Variants in MIPEP observed in about 807,000 individuals in gnomAD.
MIPEP encodes mitochondrial intermediate peptidase.
In MIPEP, 79 loss-of-function variants were observed where a neutral mutation model predicts 90.3. That is an observed-to-expected ratio of 0.87 (90% CI 0.73 to 1.05). The LOEUF is 1.05. MIPEP is among the 50% of genes least tolerant of loss of function. The pLI is 0.00. For missense variants in MIPEP, 940 were observed against 905.6 expected, an observed-to-expected ratio of 1.04 and a Z score of -0.49; for synonymous variants, 334 against 315.8, an observed-to-expected ratio of 1.06 and a Z score of -0.61.
At chr13:23,876,105 A>T (rs35684922) in intron 4 of MIPEP, among the ~76,000 whole-genome samples, 27,415 of 152,170 alleles carry the variant, frequency 0.18, 3,029 homozygotes, top group Non-Finnish European at 0.24. Context: ...GAAATTAATC[A>T]CAAAGTATGC....
intron 16 of MIPEP, among the ~76,000 whole-genome samples, chr13:23,764,671 C>G (rs534878541): frequency 6.6e-6 from 1 of 151,730 alleles, no homozygotes; most frequent in Admixed American, 6.5e-5. Flanking sequence ...TAGCCTCAGA[C>G]CTCAGCCTCC....
At chr13:23,792,190 T>C (rs1952903904) in intron 16 of MIPEP, among the ~76,000 whole-genome samples, 1 of 152,222 alleles carries the variant, frequency 6.6e-6, no homozygotes, top group Admixed American at 6.5e-5. Context: ...GGGGTTGATC[T>C]CACCCAGTTC....
rs535287069 is a variant in MIPEP, at chr13:23,801,027, T to C, written c.1848+4923A>G. 2.0e-5 allele frequency among the ~76,000 whole-genome samples: 3 copies of C among 152,356 alleles called. No individual in the cohort carries two copies. In the South Asian group the frequency reaches 6.2e-4, roughly 32 times the overall value. On this transcript the variant is annotated intron_variant, in intron 16 of 18. Coordinates refer to ENST00000382172, the MANE Select transcript of MIPEP (RefSeq NM_005932.4). ...GTCTAAAAGTTTGTACCAGATTATG[T>C]ACCTAAATTTGTATCAACTCCATAA...
intron 11 of MIPEP, 141 bp from the exon 12 acceptor site, chr13:23,839,867 G>A (rs919293161): frequency 5.4e-6 from 3 of 560,258 alleles, no homozygotes; most frequent in African/African-American, 3.8e-5. Flanking sequence ...ATTATCTCGA[G>A]ATAGATTCTC....
chr13:23,768,874 A>G (rs1201900924), intron 16 of MIPEP, among the ~76,000 whole-genome samples: 1 of 152,098 alleles, frequency 6.6e-6, no homozygotes, highest in Non-Finnish European at 1.5e-5. Context: ...ATATTAAAAA[A>G]CCCCTGGAAA....
chr13:23,878,429 T>A (rs8000572), intron 4 of MIPEP, among the ~76,000 whole-genome samples: 31,252 of 152,036 alleles, frequency 0.21, 4,013 homozygotes, highest in East Asian at 0.45. Flanking sequence ...TTGGTCCCTA[T>A]AGAAAATGGC....
At chr13:23,787,368 T>TG (rs1288646850) in intron 16 of MIPEP, among the ~76,000 whole-genome samples, 23 of 141,732 alleles carry the variant, frequency 1.6e-4, no homozygotes, top group East Asian at 4.1e-4. Flanking sequence ...CATGGTAGGG[T>TG]GGGGGGAGAG....
chr13:23,801,534 A>T (rs1953041236), intron 16 of MIPEP, among the ~76,000 whole-genome samples: 1 of 152,178 alleles, frequency 6.6e-6, no homozygotes, highest in African/African-American at 2.4e-5. Flanking sequence ...GTACCCACCA[A>T]TCAGTTTAAG....
At chr13:23,859,986 T>C (rs1031022888) in intron 9 of MIPEP, among the ~76,000 whole-genome samples, 2 of 152,270 alleles carry the variant, frequency 1.3e-5, no homozygotes, top group South Asian at 2.1e-4. Flanking sequence ...CATGGAACCC[T>C]AGCCCCACAG....
At chr13:23,841,584 G>A in intron 10 of MIPEP, 96 bp from the exon 11 acceptor site, 2 of 1,307,236 alleles carry the variant, frequency 1.5e-6, no homozygotes, top group Non-Finnish European at 2.1e-6. Flanking sequence ...AAGATCACTG[G>A]AGCTAAAGAA....
intron 18 of MIPEP, among the ~76,000 whole-genome samples, chr13:23,739,372 C>T (rs1467846337): frequency 6.6e-6 from 1 of 152,206 alleles, no homozygotes; most frequent in Non-Finnish European, 1.5e-5. Context: ...AGTTAAAAAG[C>T]AGGGTATGTT....
chr13:23,881,297 CCAACTTGCCACTAGGA>C (rs1210893408), intron 3 of MIPEP, among the ~76,000 whole-genome samples: 3 of 152,190 alleles, frequency 2.0e-5, no homozygotes, highest in Non-Finnish European at 4.4e-5. Flanking sequence ...TCTAGTAAGT[CCAACTTGCCACTAGGA>C]CACTAAAAAG....
intron 16 of MIPEP, 143 bp from the exon 17 acceptor site, chr13:23,760,360 A>G: frequency 9.4e-7 from 1 of 1,064,558 alleles, no homozygotes; most frequent in Non-Finnish European, 1.4e-6. Context: ...GTCACCTATG[A>G]TATCAATATT....
chr13:23,787,097 G>A (rs1952850963), intron 16 of MIPEP, among the ~76,000 whole-genome samples: 1 of 152,326 alleles, frequency 6.6e-6, no homozygotes, highest in East Asian at 1.9e-4. Context: ...TCAGTGCAAA[G>A]TATCCACATG....
At chr13:23,734,089 A>G (rs963891305) in intron 18 of MIPEP, among the ~76,000 whole-genome samples, 16 of 152,256 alleles carry the variant, frequency 1.1e-4, no homozygotes, top group African/African-American at 3.9e-4. Flanking sequence ...GGTTTCATGC[A>G]TTCCCTATGT....
At chr13:23,815,158 CTTTA>C (rs1953218587) in intron 14 of MIPEP, among the ~76,000 whole-genome samples, 1 of 152,178 alleles carries the variant, frequency 6.6e-6, no homozygotes, top group Non-Finnish European at 1.5e-5. Context: ...CTTTGACGAA[CTTTA>C]TTTACATTTT....
chr13:23,754,401 A>G (rs1316349206), intron 18 of MIPEP, among the ~76,000 whole-genome samples: 2 of 152,256 alleles, frequency 1.3e-5, no homozygotes, highest in Non-Finnish European at 1.5e-5. Flanking sequence ...ATTAAGAAAA[A>G]TATTAAAATG....
intron 16 of MIPEP, 57 bp downstream of exon 16, chr13:23,805,893 C>A: frequency 6.3e-7 from 1 of 1,576,592 alleles, no homozygotes. Flanking sequence ...TCACAAGCTA[C>A]AGAAGTAATA....
At chr13:23,814,407 G>A (rs1003090749) in intron 14 of MIPEP, among the ~76,000 whole-genome samples, 4 of 151,972 alleles carry the variant, frequency 2.6e-5, no homozygotes, top group South Asian at 2.1e-4. Context: ...GACTACAGGC[G>A]CCCGCCACCA....
Sources: gnomAD v4.1 joint callset for allele counts (sites outside exome capture counted in the v4.1 genomes callset) on GRCh38, gnomAD v4.1.1 for gene constraint, MANE v1.5 for transcripts, NCBI Gene and HGNC (gene_info 2026-07-23, HGNC 2026-07-21) for gene names.